Variants in TFPI observed in about 807,000 individuals in gnomAD.
The protein encoded by TFPI is anti-convertin.
Under a neutral mutation model 34.6 loss-of-function variants are expected in TFPI, and 15 were observed. The observed-to-expected ratio is 0.43, with a 90% confidence interval of 0.29 to 0.67. TFPI has a LOEUF of 0.67. Ranked by LOEUF, TFPI falls within the 30% of genes least tolerant of loss-of-function variation. The pLI is 0.15. For missense variants in TFPI, 301 were observed against 364.0 expected (o/e 0.83, Z 1.41); for synonymous variants, 105 against 120.1 (o/e 0.87, Z 0.82).
chr2:187,482,236 A>T (rs1474901247), intron 6 of TFPI, among the ~76,000 whole-genome samples: 1 of 152,084 alleles, frequency 6.6e-6, no homozygotes, highest in Non-Finnish European at 1.5e-5. Context: ...GATTTCATAC[A>T]TTTCTTGTAC....
At chr2:187,479,017 G>A (rs920112796) in intron 6 of TFPI, among the ~76,000 whole-genome samples, 3 of 152,136 alleles carry the variant, frequency 2.0e-5, no homozygotes, top group Non-Finnish European at 1.5e-5. Flanking sequence ...AGGGGAGAGA[G>A]ACAGAAAGAA....
At chr2:187,475,491 G>GTCA (rs909630564) in intron 6 of TFPI, among the ~76,000 whole-genome samples, 17 of 152,070 alleles carry the variant, frequency 1.1e-4, no homozygotes, top group Admixed American at 1.3e-4. Flanking sequence ...AAAATAGGTC[G>GTCA]TCATCATCAT....
At chr2:187,509,788 A>G (rs565566113) in intron 1 of TFPI, among the ~76,000 whole-genome samples, 4 of 152,102 alleles carry the variant, frequency 2.6e-5, no homozygotes, top group South Asian at 4.1e-4. Flanking sequence ...TCCTGTCTCT[A>G]TCTCCTTCAG....
intron 1 of TFPI, among the ~76,000 whole-genome samples, chr2:187,523,003 G>T (rs1015747379): frequency 6.6e-6 from 1 of 151,858 alleles, no homozygotes; most frequent in Non-Finnish European, 1.5e-5. Flanking sequence ...GTGTTGATGG[G>T]TATTTATTTG....
At chr2:187,484,655 A>C in intron 5 of TFPI, 156 bp downstream of exon 5, 1 of 601,850 alleles carries the variant, frequency 1.7e-6, no homozygotes, top group Non-Finnish European at 2.7e-6. Flanking sequence ...TGTGCTTTTT[A>C]AAAAACTACA....
chr2:187,509,498 G>A (rs1276617757), intron 1 of TFPI, among the ~76,000 whole-genome samples: 1 of 152,158 alleles, frequency 6.6e-6, no homozygotes, highest in Non-Finnish European at 1.5e-5. Context: ...TCTATTCAGG[G>A]ATTCAACTTC....
chr2:187,496,544 C>T (rs934541615), intron 3 of TFPI, among the ~76,000 whole-genome samples: 2 of 151,948 alleles, frequency 1.3e-5, no homozygotes, highest in African/African-American at 4.8e-5. Flanking sequence ...AATGGGGCCT[C>T]ATATTTTATA....
At chr2:187,470,110 A>G (rs1252717819) in intron 6 of TFPI, among the ~76,000 whole-genome samples, 1 of 152,186 alleles carries the variant, frequency 6.6e-6, no homozygotes, top group African/African-American at 2.4e-5. Flanking sequence ...AAACACCCAC[A>G]GTAACTTCGA....
intron 1 of TFPI, among the ~76,000 whole-genome samples, chr2:187,527,826 A>G (rs1687756823): frequency 6.6e-6 from 1 of 152,138 alleles, no homozygotes; most frequent in Admixed American, 6.6e-5. Context: ...CTGTGCAAGT[A>G]TGTTGAATAG....
At chr2:187,495,686 G>A (rs932562244) in intron 3 of TFPI, among the ~76,000 whole-genome samples, 1 of 152,178 alleles carries the variant, frequency 6.6e-6, no homozygotes, top group South Asian at 2.1e-4. Flanking sequence ...GCACCATGAT[G>A]CCAAGGCTGT....
intron 5 of TFPI, 128 bp from the exon 6 acceptor site, chr2:187,484,344 G>C: frequency 1.5e-6 from 1 of 673,464 alleles, no homozygotes; most frequent in Non-Finnish European, 2.5e-6. Flanking sequence ...TGTTAAATTA[G>C]CAAACAGTGA....
intron 2 of TFPI, among the ~76,000 whole-genome samples, chr2:187,503,125 T>G (rs1294241450): frequency 6.6e-6 from 1 of 152,010 alleles, no homozygotes. Context: ...ACACAGAGTT[T>G]TATGGGATTA....
At chr2:187,477,224 GT>G (rs1692436068) in intron 6 of TFPI, among the ~76,000 whole-genome samples, 1 of 152,102 alleles carries the variant, frequency 6.6e-6, no homozygotes, top group South Asian at 2.1e-4. Context: ...CCACATTTTT[GT>G]TTCTCATCAG....
intron 1 of TFPI, among the ~76,000 whole-genome samples, chr2:187,532,261 T>C (rs1306467749): frequency 6.6e-6 from 1 of 151,990 alleles, no homozygotes; most frequent in African/African-American, 2.4e-5. Flanking sequence ...TTGAATGAGA[T>C]AATATTGATA....
At chr2:187,529,640 G>C (rs1464264129) in intron 1 of TFPI, among the ~76,000 whole-genome samples, 1 of 152,118 alleles carries the variant, frequency 6.6e-6, no homozygotes, top group East Asian at 1.9e-4. Context: ...TGGGGGTTAG[G>C]TATCCAACAT....
At chr2:187,554,068 T>C (rs1047288580) in intron 1 of TFPI, 132 bp downstream of exon 1, 4 of 152,174 alleles carry the variant, frequency 2.6e-5, no homozygotes, top group African/African-American at 9.7e-5. Context: ...GAAGGGCTGA[T>C]TTTCATTTTA....
chr2:187,529,506 A>T (rs1228507118), intron 1 of TFPI: 1 of 152,176 alleles, frequency 6.6e-6, no homozygotes, highest in Non-Finnish European at 1.5e-5. Flanking sequence ...ATGGAGAGAA[A>T]GAAAGATATC....
chr2:187,527,088 T>A (rs976099201), intron 1 of TFPI: 3 of 152,176 alleles, frequency 2.0e-5, no homozygotes, highest in Admixed American at 2.0e-4. Context: ...TCTATTTTGA[T>A]TGTTTTTCAT....
At chr2:187,478,099 G>T (rs1201634039) in intron 6 of TFPI, among the ~76,000 whole-genome samples, 1 of 152,110 alleles carries the variant, frequency 6.6e-6, no homozygotes, top group African/African-American at 2.4e-5. Flanking sequence ...AAGAGTTGAT[G>T]TATGGGGCCA....
Sources: gnomAD v4.1 joint callset for allele counts (sites outside exome capture counted in the v4.1 genomes callset) on GRCh38, gnomAD v4.1.1 for gene constraint, MANE v1.5 for transcripts, NCBI Gene and HGNC (gene_info 2026-07-23, HGNC 2026-07-21) for gene names.